Variants in TEX264 observed in about 807,000 individuals in gnomAD.
TEX264 encodes the protein testis expressed 264, ER-phagy receptor.
TEX264 carries 13 observed loss-of-function variants against 23.4 expected under a neutral mutation model. The ratio of observed to expected loss-of-function variants is 0.56; its 90% CI spans 0.36 to 0.88. The LOEUF is 0.88. Ranked by LOEUF, TEX264 falls within the 40% of genes least tolerant of loss-of-function variation. The pLI, the probability that TEX264 is intolerant of heterozygous loss-of-function variation, is 0.01. For synonymous variants in TEX264, 159 were observed against 170.0 expected (o/e 0.94, Z 0.50); for missense variants, 340 against 406.8 (o/e 0.84, Z 1.41).
At chr3:51,672,924 A>G (rs1702099760) in intron 1 of TEX264, among the ~76,000 whole-genome samples, 1 of 152,252 alleles carries the variant, frequency 6.6e-6, no homozygotes, top group Admixed American at 6.5e-5. Context: ...CAAGATGAGT[A>G]GGACAGGCAG....
chr3:51,679,274 G>A (rs1044567667), intron 2 of TEX264, among the ~76,000 whole-genome samples: 2 of 152,112 alleles, frequency 1.3e-5, no homozygotes, highest in African/African-American at 4.8e-5. Flanking sequence ...TAATGATATG[G>A]CCCAATACCC....
At chr3:51,698,846 G>A (rs1054715155) in intron 3 of TEX264, among the ~76,000 whole-genome samples, 6 of 152,190 alleles carry the variant, frequency 3.9e-5, no homozygotes, top group Non-Finnish European at 4.4e-5. Flanking sequence ...TGTTTAGCTG[G>A]CCTTGATCCT....
chr3:51,690,572 A>G (rs1034737854), intron 3 of TEX264, among the ~76,000 whole-genome samples: 8 of 151,906 alleles, frequency 5.3e-5, no homozygotes, highest in Non-Finnish European at 8.8e-5. Flanking sequence ...AAAAAAAAAA[A>G]AAAAGCAGGT....
intron 2 of TEX264, among the ~76,000 whole-genome samples, chr3:51,675,876 G>A (rs1003237543): frequency 1.3e-5 from 2 of 152,188 alleles, no homozygotes; most frequent in African/African-American, 4.8e-5. Context: ...GCCAGGTGGT[G>A]GGGAAGTACA....
chr3:51,691,764 C>T lies in TEX264; in HGVS notation c.480+7130C>T, dbSNP rs573986220. Among the ~76,000 whole-genome samples, 1 of 152,330 alleles carries T rather than the reference C, an allele frequency of 6.6e-6. No individual in the cohort carries two copies. Among genetic ancestry groups the T allele is most frequent in the African/African-American group, 2.4e-5 (1 of 41,568 alleles). ...GGCTGGGCTTCAGATCAAGTCTCTTCAGTACCTAGGAGATGGGGAGGAAGA... is the reference window on the plus strand; with the variant it reads ...GGCTGGGCTTCAGATCAAGTCTCTTTAGTACCTAGGAGATGGGGAGGAAGA... On this transcript the variant is annotated intron_variant, in intron 3 of 4. Coordinates refer to ENST00000341333, the MANE Select transcript of TEX264 (RefSeq NM_015926.6). The surrounding 1 kb of genome is among the most constrained non-coding windows in gnomAD (Gnocchi z 4.4).
intron 3 of TEX264, among the ~76,000 whole-genome samples, chr3:51,690,464 A>G (rs1702787462): frequency 6.6e-6 from 1 of 151,618 alleles, no homozygotes; most frequent in Non-Finnish European, 1.5e-5. Flanking sequence ...CTCGGGAGGC[A>G]GAGGTTGCAG....
In TEX264 at chr3:51,703,495, A is replaced by T. The variant is rs979593601; in HGVS notation, c.650-229A>T. Among the ~76,000 whole-genome samples, 3 of 149,878 alleles carry T rather than the reference A, an allele frequency of 2.0e-5. No individual in the cohort carries two copies. In the South Asian group the frequency reaches 6.4e-4, roughly 32 times the overall value. On this transcript the variant is annotated intron_variant, in intron 4 of 4. Coordinates refer to ENST00000341333, the MANE Select transcript of TEX264 (RefSeq NM_015926.6). The surrounding 1 kb of genome is among the most constrained non-coding windows in gnomAD (Gnocchi z 4.8). ...GAAGAGTGCACAGCTGCCTCCTCCC[A>T]CCCTCTCTCCCTCCCTCCCTCCTTC... is the stretch of plus-strand genomic sequence containing the variant.
At chr3:51,694,085 G>GTCCTTTCT (rs1553697592) in intron 3 of TEX264, among the ~76,000 whole-genome samples, 30 of 85,256 alleles carry the variant, frequency 3.5e-4, no homozygotes, top group Non-Finnish European at 5.9e-4. Context: ...CCTTCCGTCC[G>GTCCTTTCT]TCCTTCCTTC....
At chr3:51,702,714 A>G (rs1161869720) in intron 4 of TEX264, among the ~76,000 whole-genome samples, 1 of 152,172 alleles carries the variant, frequency 6.6e-6, no homozygotes, top group Non-Finnish European at 1.5e-5. Context: ...CCCAGTCTGG[A>G]TTCCTGCACA....
intron 3 of TEX264, among the ~76,000 whole-genome samples, chr3:51,688,662 G>A (rs539177273): frequency 6.6e-6 from 1 of 152,302 alleles, no homozygotes; most frequent in South Asian, 2.1e-4. Flanking sequence ...CTGATTGGCT[G>A]GGGAGTGCAG....
At chr3:51,699,652 C>T (rs1432815834) in intron 4 of TEX264, 78 bp downstream of exon 4, 2 of 1,532,346 alleles carry the variant, frequency 1.3e-6, no homozygotes, top group East Asian at 2.3e-5. Context: ...GTTGAGGAGG[C>T]TCCTCCCTCT....
intron 2 of TEX264, among the ~76,000 whole-genome samples, chr3:51,675,957 A>C (rs576292861): frequency 5.2e-4 from 79 of 152,252 alleles, no homozygotes; most frequent in African/African-American, 1.7e-3. Context: ...GGGCAGGTGG[A>C]GGAGGGAAGG....
At chr3:51,693,476 G>GTTTTTT (rs766273698) in intron 3 of TEX264, among the ~76,000 whole-genome samples, 3 of 121,726 alleles carry the variant, frequency 2.5e-5, no homozygotes, top group Admixed American at 1.9e-4. Context: ...TTTCCATTAT[G>GTTTTTT]TTTTTTTTTT....
chr3:51,702,112 C>T (rs1392968556), intron 4 of TEX264, among the ~76,000 whole-genome samples: 2 of 152,084 alleles, frequency 1.3e-5, no homozygotes, highest in African/African-American at 4.8e-5. Flanking sequence ...ACCTGGGGTC[C>T]CAAGAGAGCC....
chr3:51,674,187 G>A lies in TEX264; in HGVS notation c.-34-84G>A, dbSNP rs1235270040. 4 of 1,477,468 alleles carry A rather than the reference G, an allele frequency of 2.7e-6. No individual in the cohort carries two copies. In the Admixed American group the frequency reaches 7.3e-5, roughly 27 times the overall value. 91.5% of individuals were successfully genotyped at this position (1,477,468 alleles called of 1,614,324 possible). On this transcript the variant is annotated intron_variant, in intron 1 of 4. Coordinates refer to ENST00000341333, the MANE Select transcript of TEX264 (RefSeq NM_015926.6). ...GAGCACCCAAGGCAGGTCTGAGGAG[G>A]TTGGGCCAGAACTGGTTGGCGGGCA...
intron 2 of TEX264, among the ~76,000 whole-genome samples, chr3:51,676,191 C>A (rs559280956): frequency 4.6e-5 from 7 of 152,338 alleles, no homozygotes; most frequent in East Asian, 3.9e-4. Context: ...CCCTGCCCCC[C>A]CTTCCACACC....
chr3:51,699,378 A>T (rs370224472), intron 3 of TEX264, 28 bp from the exon 4 acceptor site: 14 of 1,610,652 alleles, frequency 8.7e-6, no homozygotes, highest in Non-Finnish European at 1.1e-5. Context: ...TGTAGGGCTC[A>T]TTCTACCTTT....
chr3:51,694,990 C>T (rs929865909), intron 3 of TEX264, among the ~76,000 whole-genome samples: 3 of 152,236 alleles, frequency 2.0e-5, no homozygotes, highest in East Asian at 1.9e-4. Context: ...AAAGCATGCA[C>T]GTGCCATGAA....
chr3:51,684,651 G>A lies in TEX264; in HGVS notation c.480+17G>A. 1 of 1,612,826 alleles carries A rather than the reference G, an allele frequency of 6.2e-7. No homozygotes were observed. Among genetic ancestry groups the A allele is most frequent in the Non-Finnish European group, 8.5e-7 (1 of 1,178,912 alleles). On this transcript the variant is annotated intron_variant, in intron 3 of 4. Coordinates refer to ENST00000341333, the MANE Select transcript of TEX264 (RefSeq NM_015926.6). ...TACATCAAGGTGAGGCACAGGCCTG[G>A]GGTGTGTGTGTTGGGGACAGCCAGG...
Sources: gnomAD v4.1 joint callset for allele counts (sites outside exome capture counted in the v4.1 genomes callset) on GRCh38, gnomAD v4.1.1 for gene constraint, Gnocchi (gnomAD v3.1) non-coding constraint, MANE v1.5 for transcripts, NCBI Gene and HGNC (gene_info 2026-07-23, HGNC 2026-07-21) for gene names.